MIER2: variants seen among roughly 807,000 people sequenced by gnomAD.
MIER2 encodes the protein mesoderm induction early response protein 2.
Under a neutral mutation model 67.6 loss-of-function variants are expected in MIER2, and 30 were observed. The observed-to-expected ratio is 0.44, with a 90% CI of 0.33 to 0.60. The LOEUF (loss-of-function observed/expected upper bound fraction) is 0.60, where lower values mean the gene tolerates loss of function less well. Among genes scored for constraint, MIER2 ranks in the 20% least tolerant of loss-of-function variants. The probability of loss-of-function intolerance (pLI) is 0.02; values close to 1 mark genes in which losing one functional copy is unlikely to be tolerated. For missense variants in MIER2, 702 were observed against 745.1 expected (o/e 0.94, Z 0.67); for synonymous variants, 372 against 312.6 (o/e 1.19, Z -2.00).
At chr19:339,074 G>C (rs1225334722) in intron 1 of MIER2, among the ~76,000 whole-genome samples, 1 of 130,126 alleles carries the variant, frequency 7.7e-6, no homozygotes, top group Non-Finnish European at 1.6e-5. Context: ...AAAATCACAA[G>C]TGACCAAAAA....
At chr19:318,985 A>G (rs1237153831) in intron 7 of MIER2, among the ~76,000 whole-genome samples, 1 of 148,164 alleles carries the variant, frequency 6.7e-6, no homozygotes, top group African/African-American at 2.5e-5. Context: ...TGAACCCAGG[A>G]GGCGGAGCTT....
At chr19:327,602 T>C (rs1971819184) in intron 4 of MIER2, among the ~76,000 whole-genome samples, 1 of 152,216 alleles carries the variant, frequency 6.6e-6, no homozygotes, top group African/African-American at 2.4e-5. Context: ...GGGTACGGAA[T>C]GGCAGAGAGA....
chr19:307,839 G>T (rs1012130811), intron 12 of MIER2, among the ~76,000 whole-genome samples: 1 of 152,080 alleles, frequency 6.6e-6, no homozygotes, highest in Admixed American at 6.6e-5. Context: ...GGTAAATACA[G>T]GGTCTGTGGA....
intron 1 of MIER2, among the ~76,000 whole-genome samples, chr19:337,870 C>CAAAAAAAAAAAAAA (rs34553732): frequency 2.7e-5 from 1 of 37,130 alleles, no homozygotes; most frequent in African/African-American, 1.7e-4. Flanking sequence ...CTCCATCTCA[C>CAAAAAAAAAAAAAA]AAAAAAAAAA....
chr19:334,264 G>A, intron 3 of MIER2, 136 bp downstream of exon 3: 1 of 1,277,794 alleles, frequency 7.8e-7, no homozygotes, highest in Non-Finnish European at 1.1e-6. Context: ...TCAGCTACTA[G>A]GACAGCATCT....
intron 7 of MIER2, among the ~76,000 whole-genome samples, chr19:322,281 A>C (rs556026940): frequency 1.3e-5 from 2 of 152,338 alleles, no homozygotes; most frequent in African/African-American, 4.8e-5. Flanking sequence ...TTCTAGAAAG[A>C]AACGTGGAAG....
rs978714838 is a variant in MIER2 at position 308,469 on chromosome 19, G to A, written c.1198+108C>T. The stretch of plus-strand genomic sequence containing the variant: ...CACCCAGACGCCCACTCCTCCTGGC[G>A]AGGCTGGCCCAGCACAGGGCGCCAG... On this transcript the variant is annotated intron_variant, in intron 12 of 13. Coordinates refer to ENST00000264819, the MANE Select transcript of MIER2 (RefSeq NM_017550.3). The surrounding 1 kb of genome is among the most constrained non-coding windows in gnomAD (Gnocchi z 9.1). 1.2e-5 allele frequency: 14 copies of A among 1,210,440 alleles called. No individual in the cohort carries two copies. The highest frequency in any genetic ancestry group is 5.2e-5 in the East Asian group (2 of 38,800). The allele number at this position is 1,210,440 out of a possible 1,614,324, so 75.0% of individuals were successfully genotyped here. A position where few individuals can be genotyped will look rare whatever the true frequency, so the allele number is the denominator to read the frequency against.
chr19:335,066 A>T (rs1250293862), intron 2 of MIER2, among the ~76,000 whole-genome samples: 10 of 152,254 alleles, frequency 6.6e-5, no homozygotes, highest in Admixed American at 6.5e-4. Flanking sequence ...CATGCGATGT[A>T]CATGGCCCAA....
At chr19:319,306 G>T (rs1234114436) in intron 7 of MIER2, among the ~76,000 whole-genome samples, 1 of 152,092 alleles carries the variant, frequency 6.6e-6, no homozygotes, top group Non-Finnish European at 1.5e-5. Flanking sequence ...AGTTTCCAGT[G>T]AGTCAATATT....
chr19:318,591 C>T (rs1971360332), intron 7 of MIER2, among the ~76,000 whole-genome samples: 1 of 152,164 alleles, frequency 6.6e-6, no homozygotes, highest in South Asian at 2.1e-4. Context: ...CCAGCGGATC[C>T]AAGGGAATAC....
rs768798016 is a variant in MIER2 at position 334,476 on chromosome 19, A to C, written c.167T>G (p.Val56Gly). The part of the protein sequence containing the change: ...LAEILSQNYS[V>G]RGECEEASRC... ...CGAGGCCTCCTCGCACTCCCCCCTA[A>C]CACTGTAGTTCTGTGACAGGATCTC... Residue 56 changes from valine to glycine, a missense_variant, in exon 3 of 14, where the codon GTT (valine) becomes GGT (glycine). Coordinates refer to ENST00000264819, the MANE Select transcript of MIER2 (RefSeq NM_017550.3). The C allele has an allele frequency of 3.1e-6, 5 of 1,613,976 alleles. No individual in the cohort carries two copies. The highest frequency in any genetic ancestry group is 4.2e-6 in the Non-Finnish European group (5 of 1,180,014).
At chr19:317,797 C>A (rs1971321540) in intron 7 of MIER2, among the ~76,000 whole-genome samples, 1 of 150,092 alleles carries the variant, frequency 6.7e-6, no homozygotes, top group African/African-American at 2.4e-5. Context: ...AAGCAAAGAG[C>A]AAGATGGTGG....
intron 1 of MIER2, 131 bp downstream of exon 1, chr19:344,625 GGCCCCGGACGGGCCAGGC>G: frequency 2.6e-6 from 1 of 389,746 alleles, no homozygotes. Context: ...GCGCCCCTCC[GGCCCCGGACGGGCCAGGC>G]GCCCCGGCCG....
In MIER2 at chr19:306,600, G is replaced by T. The variant is rs1454501030; in HGVS notation, c.*90C>A. ...GAGGTGCTACCCCAAGGCCCGGGGG[G>T]TGGGGAAGGGGTCAGGAAGACTGAC... On this transcript the variant is annotated 3_prime_UTR_variant, in exon 14 of 14. Coordinates refer to ENST00000264819, the MANE Select transcript of MIER2 (RefSeq NM_017550.3). 4 of 1,512,518 alleles carry T rather than the reference G, an allele frequency of 2.6e-6. No homozygotes were observed. The highest frequency in any genetic ancestry group is 2.8e-5 in the African/African-American group (2 of 72,186). The allele number at this position is 1,512,518 out of a possible 1,614,324, so 93.7% of individuals were successfully genotyped here. A position where few individuals can be genotyped will look rare whatever the true frequency, so the allele number is the denominator to read the frequency against.
At chr19:339,195 T>C (rs1355558900) in intron 1 of MIER2, among the ~76,000 whole-genome samples, 1 of 149,462 alleles carries the variant, frequency 6.7e-6, no homozygotes, top group African/African-American at 2.5e-5. Flanking sequence ...GGAGAAAATA[T>C]CTGAAAAATA....
Position 327,262 on chromosome 19 carries a change from A to T in MIER2, c.370-6T>A, listed in dbSNP as rs1255042999. ...AAATCCTTCGCTATTTGTTCCTTTA[A>T]AAAAAAAAAAAAAAGTAAAGAACAT... On this transcript the variant is annotated splice_polypyrimidine_tract_variant and splice_region_variant and intron_variant, in intron 4 of 13. Coordinates refer to ENST00000264819, the MANE Select transcript of MIER2 (RefSeq NM_017550.3). 9.2e-7 allele frequency: 1 copy of T among 1,084,164 alleles called. No individual in the cohort carries two copies. Among genetic ancestry groups the T allele is most frequent in the South Asian group, 1.7e-5 (1 of 60,550 alleles). The allele number at this position is 1,084,164 out of a possible 1,614,324, so 67.2% of individuals were successfully genotyped here. A position where few individuals can be genotyped will look rare whatever the true frequency, so the allele number is the denominator to read the frequency against.
At chr19:309,043 A>G in intron 10 of MIER2, 118 bp from the exon 11 acceptor site, 1 of 1,403,626 alleles carries the variant, frequency 7.1e-7, no homozygotes, top group African/African-American at 1.4e-5. Flanking sequence ...AGCACCCACC[A>G]CTCTCAGATA....
intron 4 of MIER2, among the ~76,000 whole-genome samples, chr19:327,466 G>A (rs987418454): frequency 4.6e-5 from 7 of 152,224 alleles, no homozygotes; most frequent in Non-Finnish European, 8.8e-5. Flanking sequence ...GCTGGAGACA[G>A]TTAGAGCTGC....
At chr19:312,385 G>A in intron 8 of MIER2, 113 bp from the exon 9 acceptor site, 1 of 1,004,018 alleles carries the variant, frequency 1.0e-6, no homozygotes, top group Non-Finnish European at 1.5e-6. Flanking sequence ...ACCCTCCTGG[G>A]CGATGTCAGA....
Sources: allele counts gnomAD v4.1 joint callset (sites outside exome capture counted in the v4.1 genomes callset), GRCh38; gene constraint gnomAD v4.1.1; non-coding constraint Gnocchi (gnomAD v3.1); transcripts MANE v1.5; gene names NCBI Gene and HGNC (gene_info 2026-07-23, HGNC 2026-07-21).